ZCCHC2: variants seen among roughly 807,000 people sequenced by gnomAD.
ZCCHC2 encodes the protein zinc finger CCHC domain-containing protein 2.
Under a neutral mutation model 103.6 loss-of-function variants are expected in ZCCHC2, and 39 were observed. The ratio of observed to expected loss-of-function variants is 0.38; its 90% confidence interval spans 0.29 to 0.49. ZCCHC2 has a LOEUF of 0.49. Among genes scored for constraint, ZCCHC2 ranks in the 20% least tolerant of loss-of-function variants. The pLI, the probability that ZCCHC2 is intolerant of heterozygous loss-of-function variation, is 0.96. For missense variants in ZCCHC2, 1,483 were observed against 1,491.0 expected, an observed-to-expected ratio of 0.99 and a Z score of 0.09; for synonymous variants, 687 against 608.9, an observed-to-expected ratio of 1.13 and a Z score of -1.89.
At chr18:62,556,455 T>G (rs925956029) in intron 6 of ZCCHC2, among the ~76,000 whole-genome samples, 158 bp downstream of exon 6, 1 of 152,230 alleles carries the variant, frequency 6.6e-6, no homozygotes, top group African/African-American at 2.4e-5. Flanking sequence ...ACTGCAGTTT[T>G]AAAGAAGGTC....
At chr18:62,539,519 C>T (rs190701294) in intron 1 of ZCCHC2, 162 bp from the exon 2 acceptor site, 16 of 524,654 alleles carry the variant, frequency 3.0e-5, no homozygotes, top group East Asian at 2.3e-4. Flanking sequence ...CTTCTGCTTG[C>T]GGCTCTCACA....
chr18:62,537,716 A>G (rs550624505), intron 1 of ZCCHC2, among the ~76,000 whole-genome samples: 3 of 152,258 alleles, frequency 2.0e-5, no homozygotes, highest in Admixed American at 2.0e-4. Context: ...CCTTGTGGCT[A>G]TTGTGAATAA....
At chr18:62,535,702 A>G (rs1730870205) in intron 1 of ZCCHC2, among the ~76,000 whole-genome samples, 1 of 152,216 alleles carries the variant, frequency 6.6e-6, no homozygotes, top group Non-Finnish European at 1.5e-5. Flanking sequence ...ACCTAACTTT[A>G]GAAGAGCATC....
At chr18:62,572,424 T>G (rs1242171932) in intron 12 of ZCCHC2, among the ~76,000 whole-genome samples, 1 of 152,010 alleles carries the variant, frequency 6.6e-6, no homozygotes. Flanking sequence ...GTTGGAGGCC[T>G]GTGTGGAGGA....
intron 1 of ZCCHC2, among the ~76,000 whole-genome samples, chr18:62,537,637 CAT>C (rs1399467543): frequency 1.3e-5 from 2 of 152,182 alleles, no homozygotes; most frequent in Non-Finnish European, 2.9e-5. Flanking sequence ...AAGGCTGAAT[CAT>C]AGGTAATTGG....
chr18:62,558,798 A>C, intron 7 of ZCCHC2, 28 bp downstream of exon 7: 1 of 1,427,952 alleles, frequency 7.0e-7, no homozygotes, highest in African/African-American at 1.4e-5. Context: ...AGAGTAAATC[A>C]TTCTGCCTGC....
Position 62,530,672 on chromosome 18 carries a change from G to C in ZCCHC2, c.939+6309G>C, listed in dbSNP as rs369711290. ...TGGAGCAGTTATTTTATTTTTGTTA[G>C]TACTTACTTGTAAAGATGCAGTGTT... On this transcript the variant is annotated intron_variant, in intron 1 of 13. Transcript: ENST00000269499. Among the ~76,000 whole-genome samples the C allele has an allele frequency of 2.3e-4, 35 of 152,222 alleles. 2 individuals carry two copies. Among genetic ancestry groups the C allele is most frequent in the South Asian group, 1.2e-3 (6 of 4,826 alleles).
chr18:62,543,325 C>T (rs964861128), intron 3 of ZCCHC2, among the ~76,000 whole-genome samples: 4 of 152,178 alleles, frequency 2.6e-5, no homozygotes, highest in African/African-American at 7.2e-5. Flanking sequence ...ACTCTGCCCT[C>T]GTACCTTTCA....
In ZCCHC2 at chr18:62,558,378, C is replaced by T. The variant is rs566958238; in HGVS notation, c.1409-309C>T. On this transcript the variant is annotated intron_variant, in intron 6 of 13. Coordinates refer to ENST00000269499, the MANE Select transcript of ZCCHC2 (RefSeq NM_017742.6). ...AAAAATGAAAACTGAATCTTTACCACACCACAGATGTTTAAGAAGCACCTT... is the reference window on the plus strand; with the variant it reads ...AAAAATGAAAACTGAATCTTTACCATACCACAGATGTTTAAGAAGCACCTT... Among the ~76,000 whole-genome samples, 3 of 152,340 alleles carry T rather than the reference C, an allele frequency of 2.0e-5. No individual in the cohort carries two copies. The South Asian group carries it at 6.2e-4, about 32-fold the overall frequency.
intron 2 of ZCCHC2, among the ~76,000 whole-genome samples, chr18:62,540,889 A>T (rs1915141247): frequency 6.6e-6 from 1 of 152,134 alleles, no homozygotes; most frequent in Admixed American, 6.5e-5. Context: ...TGATTCTGGT[A>T]GCCAACACCA....
intron 5 of ZCCHC2, among the ~76,000 whole-genome samples, chr18:62,554,805 A>C (rs1056756495): frequency 2.6e-5 from 4 of 152,204 alleles, no homozygotes; most frequent in Non-Finnish European, 5.9e-5. Context: ...TCCTGAATTC[A>C]GATCTCAGTT....
intron 5 of ZCCHC2, 92 bp from the exon 6 acceptor site, chr18:62,556,111 C>CTT: frequency 3.3e-6 from 3 of 917,706 alleles, no homozygotes; most frequent in Non-Finnish European, 4.9e-6. Context: ...CTGAATTAAA[C>CTT]TGCCACTTCA....
intron 6 of ZCCHC2, 101 bp downstream of exon 6, chr18:62,556,398 A>G: frequency 1.2e-6 from 1 of 869,226 alleles, no homozygotes; most frequent in South Asian, 1.9e-5. Flanking sequence ...GTTAAAGTTA[A>G]GGAATAGTGA....
chr18:62,563,115 C>A lies in ZCCHC2; in HGVS notation c.1657C>A (p.Pro553Thr). The change falls in exon 9 of 14, where the codon CCA (proline) becomes ACA (threonine). Residue 553 changes from proline to threonine, a missense_variant. Transcript: ENST00000269499. ...GCAAAGCTGTACCACCATTCAACAC[C>A]CAGAGCACTGTGTGACCTCGGCTGA... ...RKQSCTTIQHPEHCVTSADQH... is the reference protein window; with the variant it reads ...RKQSCTTIQHTEHCVTSADQH... 1.2e-6 allele frequency: 2 copies of A among 1,613,648 alleles called. No homozygotes were observed. The highest frequency in any genetic ancestry group is 1.7e-6 in the Non-Finnish European group (2 of 1,179,680).
chr18:62,536,770 T>C (rs957641995), intron 1 of ZCCHC2, among the ~76,000 whole-genome samples: 1 of 152,222 alleles, frequency 6.6e-6, no homozygotes, highest in Non-Finnish European at 1.5e-5. Flanking sequence ...AGTAGATATA[T>C]CATGGGTTGA....
Position 62,558,716 on chromosome 18 carries a change from A to G in ZCCHC2, c.1438A>G (p.Lys480Glu). The G allele has an allele frequency of 6.5e-7, 1 of 1,547,094 alleles. No homozygotes were observed. The highest frequency in any genetic ancestry group is 8.7e-7 in the Non-Finnish European group (1 of 1,145,202). Residue 480 changes from lysine to glutamate, a missense_variant, in exon 7 of 14, where the codon AAG becomes GAG. Physicochemically the swap from Lys to Glu is moderately conservative, Grantham distance 56. Coordinates refer to ENST00000269499, the MANE Select transcript of ZCCHC2 (RefSeq NM_017742.6). ...NNLQSSLKTS[K>E]ILEHLKEDSS... ...CTTACAATCCTCTCTGAAGACTTCTAAGATATTAGAACACTTAAAAGAAGA... is the reference window on the plus strand; with the variant it reads ...CTTACAATCCTCTCTGAAGACTTCTGAGATATTAGAACACTTAAAAGAAGA...
At chr18:62,532,149 G>A (rs905934447) in intron 1 of ZCCHC2, among the ~76,000 whole-genome samples, 3 of 152,244 alleles carry the variant, frequency 2.0e-5, no homozygotes, top group African/African-American at 2.4e-5. Context: ...GCGCCCTTAT[G>A]GTGTATATCT....
In ZCCHC2 at chr18:62,523,376, G is replaced by GGGGCCCC; in HGVS notation, c.-49_-48insGGGCCCC. 16 of 1,012,342 alleles carry GGGGCCCC rather than the reference G, an allele frequency of 1.6e-5. No homozygotes were observed. The highest frequency in any genetic ancestry group is 1.9e-5 in the Non-Finnish European group (16 of 848,980). The allele number at this position is 1,012,342 out of a possible 1,614,324, so 62.7% of individuals were successfully genotyped here. On this transcript the variant is annotated 5_prime_UTR_variant, in exon 1 of 14. Transcript: ENST00000269499. ...GCCTCGGCCCGTGCTCCACCTCGCG[G>GGGGCCCC]CCCCTCCCGCCCGCCCCCGCTCGCA... is the stretch of plus-strand genomic sequence containing the variant.
At chr18:62,583,566 A>C (rs1284978952), downstream of ZCCHC2, among the ~76,000 whole-genome samples, 1 of 152,176 alleles carries the variant, frequency 6.6e-6, no homozygotes, top group Non-Finnish European at 1.5e-5. Context: ...TGATTGCAAA[A>C]GCATTCTAAG....
Sources: gnomAD v4.1 joint callset for allele counts (sites outside exome capture counted in the v4.1 genomes callset) on GRCh38, gnomAD v4.1.1 for gene constraint, MANE v1.5 for transcripts, NCBI Gene and HGNC (gene_info 2026-07-23, HGNC 2026-07-21) for gene names.